The following MACROD2 variants were observed in gnomAD, a reference collection of about 807,000 sequenced individuals.
MACROD2 encodes the protein mono-ADP ribosylhydrolase 2, also known as ADP-ribose glycohydrolase MACROD2.
Under a neutral mutation model 70.4 loss-of-function variants are expected in MACROD2, and 36 were observed. The observed-to-expected ratio is 0.51, with a 90% CI of 0.39 to 0.68. The LOEUF (loss-of-function observed/expected upper bound fraction) is 0.68. Ranked by LOEUF, MACROD2 falls within the 30% of genes least tolerant of loss-of-function variation. The pLI is 0.00. For synonymous variants in MACROD2, 172 were observed against 178.8 expected, an observed-to-expected ratio of 0.96 and a Z score of 0.30; for missense variants, 496 against 538.4, an observed-to-expected ratio of 0.92 and a Z score of 0.78.
At chr20:15,089,044 T>C (rs964896483) in intron 5 of MACROD2, among the ~76,000 whole-genome samples, 1 of 152,100 alleles carries the variant, frequency 6.6e-6, no homozygotes, top group Non-Finnish European at 1.5e-5. Flanking sequence ...GTTTTTTTTC[T>C]CCCTTCAGTA....
intron 15 of MACROD2, among the ~76,000 whole-genome samples, chr20:16,028,702 G>T (rs554804007): frequency 6.6e-6 from 1 of 152,120 alleles, no homozygotes. Flanking sequence ...CCACAAGTAT[G>T]TTCCTGTCAG....
At chr20:14,817,266 G>A (rs951841023) in intron 5 of MACROD2, among the ~76,000 whole-genome samples, 3 of 152,074 alleles carry the variant, frequency 2.0e-5, no homozygotes, top group Non-Finnish European at 4.4e-5. Context: ...ATTTGAAATC[G>A]TGCTTGAAGA....
chr20:15,228,190 T>C (rs988583484), intron 5 of MACROD2, among the ~76,000 whole-genome samples: 2 of 152,100 alleles, frequency 1.3e-5, no homozygotes, highest in Non-Finnish European at 2.9e-5. Context: ...TGTGTGCTAT[T>C]TTTTTTCCTG....
chr20:15,128,227 T>C (rs2076080403), intron 5 of MACROD2, among the ~76,000 whole-genome samples: 1 of 152,092 alleles, frequency 6.6e-6, no homozygotes, highest in Non-Finnish European at 1.5e-5. Flanking sequence ...GAGAATGAAG[T>C]CACATATATT....
At chr20:14,227,599 A>G (rs565834643) in intron 3 of MACROD2, among the ~76,000 whole-genome samples, 5 of 152,320 alleles carry the variant, frequency 3.3e-5, no homozygotes, top group Admixed American at 1.3e-4. Context: ...ATCAGAAGGA[A>G]CAAACTCCGG....
intron 4 of MACROD2, among the ~76,000 whole-genome samples, chr20:14,572,785 A>G (rs1282609068): frequency 1.3e-5 from 2 of 151,948 alleles, no homozygotes; most frequent in Non-Finnish European, 2.9e-5. Flanking sequence ...TGGTGTGTTC[A>G]GCACATGAAA....
At chr20:15,987,830 A>C (rs1270846498) in intron 15 of MACROD2, among the ~76,000 whole-genome samples, 3 of 152,200 alleles carry the variant, frequency 2.0e-5, no homozygotes. Context: ...GAAGAACTTA[A>C]AGAATTCAAT....
chr20:14,908,988 T>C (rs764259316), intron 5 of MACROD2, among the ~76,000 whole-genome samples: 2 of 152,176 alleles, frequency 1.3e-5, no homozygotes, highest in Non-Finnish European at 2.9e-5. Context: ...GAAGTGTCTA[T>C]GGGTTAGACC....
At chr20:15,048,654 A>G (rs1246984680) in intron 5 of MACROD2, among the ~76,000 whole-genome samples, 1 of 152,164 alleles carries the variant, frequency 6.6e-6, no homozygotes, top group Non-Finnish European at 1.5e-5. Flanking sequence ...CTGAAAGAGT[A>G]GCCTTTAAAA....
At chr20:15,093,993 C>T (rs1485373575) in intron 5 of MACROD2, among the ~76,000 whole-genome samples, 1 of 152,158 alleles carries the variant, frequency 6.6e-6, no homozygotes, top group Non-Finnish European at 1.5e-5. Flanking sequence ...TAGGATTGTC[C>T]ATTGAAGGGT....
intron 4 of MACROD2, among the ~76,000 whole-genome samples, chr20:14,601,402 A>T (rs1982488434): frequency 6.6e-6 from 1 of 152,158 alleles, no homozygotes; most frequent in Non-Finnish European, 1.5e-5. Flanking sequence ...TCAGGTGGTA[A>T]GGCTTACTGG....
intron 3 of MACROD2, chr20:14,127,659 T>C: frequency 2.5e-6 from 1 of 402,746 alleles, no homozygotes; most frequent in Non-Finnish European, 4.7e-6. Context: ...CAAATACCAT[T>C]TCCATCTGGT....
At chr20:14,961,078 T>C (rs757675248) in intron 5 of MACROD2, among the ~76,000 whole-genome samples, 9 of 152,184 alleles carry the variant, frequency 5.9e-5, no homozygotes, top group Non-Finnish European at 1.2e-4. Context: ...TGGGTTTTGC[T>C]ATGATGTAGC....
intron 5 of MACROD2, among the ~76,000 whole-genome samples, chr20:14,883,450 G>A (rs946847234): frequency 1.3e-5 from 2 of 152,092 alleles, no homozygotes; most frequent in African/African-American, 2.4e-5. Flanking sequence ...TGGTAAGCAT[G>A]TCGGACTAAT....
At chr20:15,854,115 G>C (rs2064330866) in intron 8 of MACROD2, among the ~76,000 whole-genome samples, 1 of 152,082 alleles carries the variant, frequency 6.6e-6, no homozygotes, top group African/African-American at 2.4e-5. Context: ...AAATATGATG[G>C]GGTAGTCACT....
At chr20:14,646,615 G>A (rs980442880) in intron 4 of MACROD2, among the ~76,000 whole-genome samples, 3 of 151,972 alleles carry the variant, frequency 2.0e-5, no homozygotes, top group Admixed American at 2.0e-4. Flanking sequence ...TTCTGATAAT[G>A]TTAGAGTGGG....
chr20:14,074,839 C>T (rs984190312), intron 2 of MACROD2, among the ~76,000 whole-genome samples: 4 of 152,152 alleles, frequency 2.6e-5, no homozygotes, highest in African/African-American at 9.7e-5. Flanking sequence ...TAGAAAATTC[C>T]AGAAATAAAT....
chr20:15,540,719 C>T (rs9917445), intron 8 of MACROD2, among the ~76,000 whole-genome samples: 20,873 of 152,188 alleles, frequency 0.14, 1,626 homozygotes, highest in East Asian at 0.28. Flanking sequence ...CTCAAGGTAT[C>T]GGCAGGGTTC....
intron 8 of MACROD2, among the ~76,000 whole-genome samples, chr20:15,742,818 G>A (rs901959529): frequency 1.3e-5 from 2 of 152,136 alleles, no homozygotes; most frequent in African/African-American, 4.8e-5. Context: ...ATTTCAATGA[G>A]AATGCAGCCA....
Sources: gnomAD v4.1 joint callset for allele counts (sites outside exome capture counted in the v4.1 genomes callset) on GRCh38, gnomAD v4.1.1 for gene constraint, MANE v1.5 for transcripts, NCBI Gene and HGNC (gene_info 2026-07-23, HGNC 2026-07-21) for gene names.